The following EMID1 variants were observed in gnomAD, a reference collection of about 807,000 sequenced individuals.
The protein encoded by EMID1 is EMI domain-containing protein 1.
A neutral mutation model predicts 60.6 loss-of-function variants in EMID1; 40 were observed. The ratio of observed to expected loss-of-function variants is 0.66; its 90% CI spans 0.51 to 0.86. The LOEUF is 0.86. Ranked by LOEUF, EMID1 falls within the 40% of genes least tolerant of loss-of-function variation. The pLI, the probability that EMID1 is intolerant of heterozygous loss-of-function variation, is 0.00. For synonymous variants in EMID1, 242 were observed against 231.0 expected (o/e 1.05, Z -0.43); for missense variants, 585 against 597.1 (o/e 0.98, Z 0.21).
Position 29,231,053 on chromosome 22 carries a change from C to G in EMID1, c.499C>G (p.Pro167Ala). ...TMLTVIEQPV[P>A]PTPATPEDPA... ...GCTGACTGTCATAGAGCAGCCAGTA[C>G]CTCCAACACCAGCTACCCCTGAGGA... The change falls in exon 6 of 15, where the codon CCT (proline) becomes GCT (alanine). Residue 167 changes from proline (P) to alanine (A), a missense_variant. Physicochemically the swap from Pro to Ala is conservative, Grantham distance 27 (BLOSUM62 -1). Transcript: ENST00000334018. The G allele has an allele frequency of 6.2e-7, 1 of 1,614,044 alleles. No homozygotes were observed. The highest frequency in any genetic ancestry group is 8.5e-7 in the Non-Finnish European group (1 of 1,179,956).
chr22:29,253,988 T>C (rs1332978497), intron 13 of EMID1: 1 of 985,332 alleles, frequency 1.0e-6, no homozygotes, highest in Non-Finnish European at 1.2e-6. Flanking sequence ...CGGGACCTTC[T>C]GGGAGGTCCT....
At chr22:29,229,345 T>TA (rs891723088) in intron 5 of EMID1, among the ~76,000 whole-genome samples, 5 of 149,696 alleles carry the variant, frequency 3.3e-5, no homozygotes, top group East Asian at 2.0e-4. Flanking sequence ...TCTCTAAAAT[T>TA]AAAAAAAAGA....
Position 29,231,058 on chromosome 22 carries a change from A to T in EMID1, c.504A>T (p.Pro168=). ...MLTVIEQPVP[P]TPATPEDPAP... ...CTGTCATAGAGCAGCCAGTACCTCC[A>T]ACACCAGCTACCCCTGAGGACCCTG... is the stretch of plus-strand genomic sequence containing the variant. Residue 168 remains proline (P), a synonymous_variant, in exon 6 of 15, where the codon CCA becomes CCT. Transcript: ENST00000334018. 1 of 1,613,924 alleles carries T rather than the reference A, an allele frequency of 6.2e-7. No homozygotes were observed. The highest frequency in any genetic ancestry group is 8.5e-7 in the Non-Finnish European group (1 of 1,179,892).
At chr22:29,215,305 G>T in intron 2 of EMID1, 3 of 980,148 alleles carry the variant, frequency 3.1e-6, no homozygotes, top group Non-Finnish European at 3.6e-6. Context: ...AGCCCAGCCT[G>T]CAGGGTCTTC....
At chr22:29,258,118 C>G (rs555894719) in intron 14 of EMID1, among the ~76,000 whole-genome samples, 1 of 152,316 alleles carries the variant, frequency 6.6e-6, no homozygotes, top group East Asian at 1.9e-4. Context: ...TCCACCGTGG[C>G]CCTCTCCTCC....
rs952557734 is a variant in EMID1, at chr22:29,238,502, C to G, written c.1074+4153C>G. Among the ~76,000 whole-genome samples the G allele has an allele frequency of 1.4e-5, 2 of 142,104 alleles. 1 individual carries two copies. The highest frequency in any genetic ancestry group is 5.6e-5 in the African/African-American group (2 of 35,638). 93.2% of individuals were successfully genotyped at this position (142,104 alleles called of 152,430 possible). A position where few individuals can be genotyped will look rare whatever the true frequency, so the allele number is the denominator to read the frequency against. ...GTGTGATCTTGGCTCACTGCAACCT[C>G]CGCTTCCTGGGTTCAAGCGATTCTC... is the stretch of plus-strand genomic sequence containing the variant. On this transcript the variant is annotated intron_variant, in intron 12 of 14. Coordinates refer to ENST00000334018, the MANE Select transcript of EMID1 (RefSeq NM_133455.4).
intron 1 of EMID1, among the ~76,000 whole-genome samples, chr22:29,211,099 A>G (rs1417547495): frequency 6.6e-6 from 1 of 152,184 alleles, no homozygotes; most frequent in Non-Finnish European, 1.5e-5. Flanking sequence ...GTGTGTGTGC[A>G]TGTGCAGGTG....
chr22:29,218,543 A>G (rs2040170118), intron 3 of EMID1, among the ~76,000 whole-genome samples: 1 of 152,184 alleles, frequency 6.6e-6, no homozygotes, highest in Non-Finnish European at 1.5e-5. Context: ...CCCAGGCCTC[A>G]GGAGGTGGGG....
chr22:29,248,172 T>A (rs1015306474), intron 13 of EMID1, among the ~76,000 whole-genome samples: 3 of 151,678 alleles, frequency 2.0e-5, no homozygotes, highest in African/African-American at 7.3e-5. Context: ...CTGGCCAGGC[T>A]GGTCTCAAAC....
rs1348765027 is a variant in EMID1 at position 29,225,158 on chromosome 22, G to A, written c.345G>A (p.Glu115=). Residue 115 remains glutamate (E), a synonymous_variant, in exon 4 of 15, where the codon GAG becomes GAA. Transcript: ENST00000334018. ...TTGCAGCTTCCTCTGCCTCCTTGGA[G>A]CCCATGTGGTCGGGCAGTACCATGC... ...EEVAASSASL[E]PMWSGSTMRR... 6.2e-7 allele frequency: 1 copy of A among 1,613,944 alleles called. No homozygotes were observed. The highest frequency in any genetic ancestry group is 8.5e-7 in the Non-Finnish European group (1 of 1,180,008).
chr22:29,215,185 C>G (rs538414080), intron 2 of EMID1, 146 bp downstream of exon 2: 1 of 1,420,920 alleles, frequency 7.0e-7, no homozygotes, highest in African/African-American at 1.4e-5. Flanking sequence ...CGACACCATT[C>G]TCAGCCTATC....
At chr22:29,218,940 T>C (rs12627903) in intron 3 of EMID1, among the ~76,000 whole-genome samples, 3,767 of 152,272 alleles carry the variant, frequency 0.025, 151 homozygotes, top group East Asian at 0.17. Context: ...CGACCTGAGT[T>C]CTGTGGCATC....
chr22:29,225,897 G>A (rs925110434), intron 4 of EMID1, among the ~76,000 whole-genome samples: 1 of 152,200 alleles, frequency 6.6e-6, no homozygotes, highest in Non-Finnish European at 1.5e-5. Flanking sequence ...TCTCAGCCAG[G>A]CGGCCGGGGG....
chr22:29,227,002 A>G (rs577956883), intron 5 of EMID1, among the ~76,000 whole-genome samples: 97 of 150,226 alleles, frequency 6.5e-4, no homozygotes, highest in African/African-American at 2.3e-3. Flanking sequence ...TATCCCCCCA[A>G]CCCCCATCCA....
chr22:29,231,166 G>A (rs1241485253), intron 6 of EMID1, 26 bp downstream of exon 6: 1 of 1,573,324 alleles, frequency 6.4e-7, no homozygotes, highest in Admixed American at 1.9e-5. Flanking sequence ...AGACTCCCCT[G>A]TGGGAATGAG....
chr22:29,250,871 A>G (rs2041503956), intron 13 of EMID1, among the ~76,000 whole-genome samples: 1 of 146,884 alleles, frequency 6.8e-6, no homozygotes, highest in African/African-American at 2.5e-5. Context: ...CTGGGATTAC[A>G]GGTGTGAGCC....
chr22:29,249,253 T>C (rs1044113539), intron 13 of EMID1, among the ~76,000 whole-genome samples: 1 of 152,164 alleles, frequency 6.6e-6, no homozygotes, highest in Non-Finnish European at 1.5e-5. Context: ...TTCCTTTTTT[T>C]TGAGATGGAG....
intron 3 of EMID1, among the ~76,000 whole-genome samples, chr22:29,222,118 T>G (rs75713614): frequency 6.6e-6 from 1 of 152,136 alleles, no homozygotes; most frequent in Non-Finnish European, 1.5e-5. Flanking sequence ...TTTTATTATT[T>G]TTTTTAGATA....
intron 5 of EMID1, among the ~76,000 whole-genome samples, chr22:29,227,217 AG>A: frequency 1.3e-5 from 2 of 152,096 alleles, no homozygotes; most frequent in East Asian, 3.9e-4. Context: ...CAGCCTCCTG[AG>A]TAGCTGGGAC....
Sources: allele counts gnomAD v4.1 joint callset (sites outside exome capture counted in the v4.1 genomes callset), GRCh38; gene constraint gnomAD v4.1.1; transcripts MANE v1.5; gene names NCBI Gene and HGNC (gene_info 2026-07-23, HGNC 2026-07-21).